FAT3: variants seen among roughly 807,000 people sequenced by gnomAD.
The protein encoded by FAT3 is FAT atypical cadherin 3, also known as protocadherin Fat 3.
Under a neutral mutation model 310.2 loss-of-function variants are expected in FAT3, and 95 were observed. The observed-to-expected ratio is 0.31, with a 90% CI of 0.26 to 0.36. The LOEUF is 0.36. Ranked by LOEUF, FAT3 falls within the 10% of genes least tolerant of loss-of-function variation. The probability of loss-of-function intolerance (pLI) is 1.00; values close to 1 mark genes in which losing one functional copy is unlikely to be tolerated. For missense variants in FAT3, 5,408 were observed against 5,715.6 expected (o/e 0.95, Z 1.74); for synonymous variants, 2,314 against 2,192.9 (o/e 1.06, Z -1.54).
At chr11:92,639,655 G>A (rs907730141) in intron 3 of FAT3, among the ~76,000 whole-genome samples, 1 of 152,178 alleles carries the variant, frequency 6.6e-6, no homozygotes, top group African/African-American at 2.4e-5. Flanking sequence ...AGTTGTGTGA[G>A]TCTACTCAGC....
chr11:92,336,269 A>G (rs1948076745), intron 1 of FAT3: 9 of 537,022 alleles, frequency 1.7e-5, no homozygotes, highest in South Asian at 1.4e-4. Flanking sequence ...GGTCCTTGTC[A>G]TAGCAATGGG....
intron 1 of FAT3, among the ~76,000 whole-genome samples, chr11:92,261,752 C>G (rs1038717469): frequency 5.3e-5 from 8 of 151,998 alleles, no homozygotes; most frequent in African/African-American, 1.9e-4. Context: ...TTTTAAAAAT[C>G]AGAATAATAA....
At chr11:92,462,108 C>T (rs1951652140) in intron 2 of FAT3, among the ~76,000 whole-genome samples, 1 of 152,124 alleles carries the variant, frequency 6.6e-6, no homozygotes, top group Admixed American at 6.5e-5. Flanking sequence ...AATACTGCCT[C>T]ATCTCAGCTT....
chr11:92,524,731 C>T lies in FAT3; in HGVS notation c.3390C>T (p.Ser1130=), dbSNP rs762578591. 6.2e-6 allele frequency: 10 copies of T among 1,613,820 alleles called. No homozygotes were observed. Among genetic ancestry groups the T allele is most frequent in the Non-Finnish European group, 8.5e-6 (10 of 1,179,820 alleles). ...ACAGGGGCGTTGTTCCACTCTACTCCACCATTGAGGTCTACATTGAAGTTG... is the reference window on the plus strand; with the variant it reads ...ACAGGGGCGTTGTTCCACTCTACTCTACCATTGAGGTCTACATTGAAGTTG... ...ATDRGVVPLY[S]TIEVYIEVED... The change falls in exon 3 of 28, where the codon TCC becomes TCT. Residue 1130 remains serine (S), a synonymous_variant. Coordinates refer to ENST00000525166, the MANE Select transcript of FAT3 (RefSeq NM_001367949.2).
chr11:92,404,050 G>T (rs1950085390), intron 2 of FAT3, among the ~76,000 whole-genome samples: 1 of 151,678 alleles, frequency 6.6e-6, no homozygotes. Flanking sequence ...AAAAGGGAGA[G>T]AAAGAGAAAG....
At position 92,883,348 on chromosome 11, in the gene FAT3, G is replaced by T. The variant is rs759230100; in HGVS notation, c.12892G>T (p.Asp4298Tyr). The T allele has an allele frequency of 6.2e-7, 1 of 1,609,114 alleles. No individual in the cohort carries two copies. The highest frequency in any genetic ancestry group is 1.7e-5 in the Admixed American group (1 of 59,932). The change falls in exon 24 of 28, where the codon GAC becomes TAC. Residue 4298 changes from aspartate (D) to tyrosine (Y), a missense_variant. Asp to Tyr is a radical substitution (Grantham distance 160). This residue lies in a region of FAT3 where 649 missense variants were observed against 666.2 expected (regional missense o/e 0.97). Transcript: ENST00000525166. The surrounding 1 kb of genome is among the most constrained non-coding windows in gnomAD (Gnocchi z 4.2). ...CCCCGCCGTGTCACCCTGCCGCTCC[G>T]ACTGCGACTCCATCCGGAAGAATGG... The part of the protein sequence containing the change: ...NLPAVSPCRS[D>Y]CDSIRKNGWD...
chr11:92,627,361 G>T (rs967723567), intron 3 of FAT3, among the ~76,000 whole-genome samples: 2 of 152,166 alleles, frequency 1.3e-5, no homozygotes, highest in Non-Finnish European at 2.9e-5. Flanking sequence ...TTTATGACGG[G>T]CTGGGGAAGG....
intron 2 of FAT3, among the ~76,000 whole-genome samples, chr11:92,477,399 T>C (rs1952077782): frequency 2.0e-5 from 3 of 152,362 alleles, no homozygotes; most frequent in Middle Eastern, 3.4e-3. Flanking sequence ...AAATGATATA[T>C]GCAATCTAAA....
At chr11:92,239,167 A>G (rs1324021748) in intron 1 of FAT3, among the ~76,000 whole-genome samples, 2 of 152,090 alleles carry the variant, frequency 1.3e-5, no homozygotes, top group Non-Finnish European at 1.5e-5. Flanking sequence ...GTGTCAGAAT[A>G]GGATCCTAAC....
chr11:92,300,790 T>A (rs1946979685), intron 1 of FAT3, among the ~76,000 whole-genome samples: 1 of 152,194 alleles, frequency 6.6e-6, no homozygotes, highest in South Asian at 2.1e-4. Flanking sequence ...GTAAAAAACC[T>A]TCAGTATATA....
intron 2 of FAT3, among the ~76,000 whole-genome samples, chr11:92,499,713 A>ATGTGTGTGTGTGTGTG (rs1236694038): frequency 6.7e-5 from 8 of 119,408 alleles, no homozygotes; most frequent in Admixed American, 1.8e-4. Flanking sequence ...GTGTGTGTGT[A>ATGTGTGTGTGTGTGTG]TGTGTGTGTA....
chr11:92,840,667 G>A lies in FAT3; in HGVS notation c.10474G>A (p.Glu3492Lys). 3 of 1,613,296 alleles carry A rather than the reference G, an allele frequency of 1.9e-6. No homozygotes were observed. The change falls in exon 18 of 28, where the codon GAG becomes AAG. Residue 3492 changes from glutamate to lysine, a missense_variant. By Grantham distance (56) the Glu-to-Lys change is moderately conservative. This residue lies in a region of FAT3 where 4,588 missense variants were observed against 4,809.8 expected (regional missense o/e 0.95). Transcript: ENST00000525166. ...ATTCTCTATTTTGTCGGGAAATGAA[G>A]AGGAGGAGTTTGTGTTGGACCCTCA... ...FSFSILSGNE[E>K]EEFVLDPHGI...
chr11:92,619,593 T>G (rs1940986154), intron 3 of FAT3, among the ~76,000 whole-genome samples: 2 of 152,166 alleles, frequency 1.3e-5, no homozygotes, highest in Non-Finnish European at 2.9e-5. Flanking sequence ...GAGTCAAGTT[T>G]GGTATTTTCC....
At chr11:92,865,591 A>G (rs1038590820) in intron 21 of FAT3, among the ~76,000 whole-genome samples, 1 of 152,170 alleles carries the variant, frequency 6.6e-6, no homozygotes, top group Admixed American at 6.5e-5. Context: ...TTATTTCACA[A>G]TTTTTGGCTG....
At chr11:92,852,720 T>C (rs1948863856) in intron 19 of FAT3, among the ~76,000 whole-genome samples, 1 of 152,190 alleles carries the variant, frequency 6.6e-6, no homozygotes, top group African/African-American at 2.4e-5. Flanking sequence ...ATAATATTTA[T>C]ATTTGAGTAT....
intron 2 of FAT3, among the ~76,000 whole-genome samples, chr11:92,520,712 T>A (rs1953653958): frequency 1.3e-5 from 2 of 152,120 alleles, no homozygotes; most frequent in Non-Finnish European, 2.9e-5. Context: ...GGTGTTAGCA[T>A]GATTAATATT....
chr11:92,814,968 G>A (rs923228403), intron 13 of FAT3, among the ~76,000 whole-genome samples: 4 of 152,218 alleles, frequency 2.6e-5, no homozygotes, highest in Non-Finnish European at 5.9e-5. Context: ...AGTTGGGAAA[G>A]TGTGGACCCA....
At chr11:92,580,410 C>A (rs1210685700) in intron 3 of FAT3, among the ~76,000 whole-genome samples, 1 of 152,054 alleles carries the variant, frequency 6.6e-6, no homozygotes, top group Non-Finnish European at 1.5e-5. Context: ...TATTTAAGCT[C>A]CAATTCAGAA....
chr11:92,853,028 C>T (rs544798980), intron 19 of FAT3, among the ~76,000 whole-genome samples: 14 of 152,352 alleles, frequency 9.2e-5, no homozygotes, highest in African/African-American at 3.1e-4. Flanking sequence ...GTATTTCTCA[C>T]ACCCACTGGG....
Sources: gnomAD v4.1 joint callset for allele counts (sites outside exome capture counted in the v4.1 genomes callset) on GRCh38, gnomAD v4.1.1 for gene constraint, gnomAD v4.1.1 regional missense constraint, Gnocchi (gnomAD v3.1) non-coding constraint, MANE v1.5 for transcripts, NCBI Gene and HGNC (gene_info 2026-07-23, HGNC 2026-07-21) for gene names.